CYP39A1: variants seen among roughly 807,000 people sequenced by gnomAD.
CYP39A1 encodes 24-hydroxycholesterol 7-alpha-hydroxylase.
CYP39A1 carries 49 observed loss-of-function variants against 58.1 expected under a neutral mutation model. That is an observed-to-expected ratio of 0.84 (90% CI 0.67 to 1.07). CYP39A1 has a LOEUF of 1.07. Ranked by LOEUF, CYP39A1 falls within the 50% of genes least tolerant of loss-of-function variation. CYP39A1 has a pLI of 0.00. For synonymous variants in CYP39A1, 209 were observed against 187.6 expected (o/e 1.11, Z -0.93); for missense variants, 531 against 539.4 (o/e 0.98, Z 0.16).
Position 46,639,587 on chromosome 6 carries a change from A to C in CYP39A1, c.395T>G (p.Leu132Arg), listed in dbSNP as rs1439111615. 5.6e-6 allele frequency: 9 copies of C among 1,613,810 alleles called. No homozygotes were observed. The highest frequency in any genetic ancestry group is 6.8e-6 in the Non-Finnish European group (8 of 1,179,858). Residue 132 changes from leucine to arginine, a missense_variant, in exon 3 of 12, where the codon CTC (leucine) becomes CGC (arginine). Transcript: ENST00000275016. ...AGTCAGTTGCCCAGTAAACTGATGG[A>C]GATTGACAGTCCCCATTTTCCCTTT... ...MLKGKMGTVNLHQFTGQLTEE... is the reference protein window; with the variant it reads ...MLKGKMGTVNRHQFTGQLTEE...
Position 46,652,618 on chromosome 6 carries a change from T to C in CYP39A1, c.-36A>G, listed in dbSNP as rs775703456. On this transcript the variant is annotated 5_prime_UTR_variant, in exon 1 of 12. Transcript: ENST00000275016. ...AGCACCTTCCAGAAGCAGAAAAGTG[T>C]GAAACAGTCCTGCCGTCCCTTGCTT... 5.2e-6 allele frequency: 8 copies of C among 1,546,106 alleles called. No individual in the cohort carries two copies. The highest frequency in any genetic ancestry group is 1.4e-5 in the African/African-American group (1 of 72,376).
rs1773123388 is a variant in CYP39A1 at position 46,595,967 on chromosome 6, A to T, written c.1065+20T>A. 6.2e-7 allele frequency: 1 copy of T among 1,602,992 alleles called. No individual in the cohort carries two copies. Among genetic ancestry groups the T allele is most frequent in the African/African-American group, 1.3e-5 (1 of 74,242 alleles). On this transcript the variant is annotated intron_variant, in intron 8 of 11. Coordinates refer to ENST00000275016, the MANE Select transcript of CYP39A1 (RefSeq NM_016593.5). ...TTTTTTGTAGAAGGTTGATTCATTT[A>T]AAACCAAACCAAAGCTTACCAAAAT...
intron 8 of CYP39A1, among the ~76,000 whole-genome samples, chr6:46,593,597 C>A (rs1160184581): frequency 6.6e-6 from 1 of 152,066 alleles, no homozygotes; most frequent in Non-Finnish European, 1.5e-5. Flanking sequence ...CCTTTGGAAG[C>A]AAAAGTTTCA....
chr6:46,613,937 A>G (rs1390563107), intron 7 of CYP39A1, among the ~76,000 whole-genome samples: 1 of 119,286 alleles, frequency 8.4e-6, no homozygotes, highest in Admixed American at 8.2e-5. Flanking sequence ...AACACAAAGA[A>G]GCAAAAAAAA....
intron 10 of CYP39A1, among the ~76,000 whole-genome samples, chr6:46,557,348 A>C (rs1770712665): frequency 6.6e-6 from 1 of 151,770 alleles, no homozygotes; most frequent in South Asian, 2.1e-4. Context: ...AAATATAAAG[A>C]AAATCATGCC....
At chr6:46,647,287 TCATC>T in intron 1 of CYP39A1, among the ~76,000 whole-genome samples, 1 of 152,290 alleles carries the variant, frequency 6.6e-6, no homozygotes, top group East Asian at 1.9e-4. Flanking sequence ...AAAATATGTA[TCATC>T]CAAACACTAA....
chr6:46,559,002 A>T (rs1462273753), intron 10 of CYP39A1, among the ~76,000 whole-genome samples: 2 of 152,118 alleles, frequency 1.3e-5, no homozygotes, highest in African/African-American at 2.4e-5. Context: ...CTCAAAAAAA[A>T]AAAAAAAAAA....
intron 10 of CYP39A1, among the ~76,000 whole-genome samples, chr6:46,565,996 A>G (rs1014854065): frequency 3.9e-5 from 6 of 152,200 alleles, no homozygotes; most frequent in Non-Finnish European, 8.8e-5. Context: ...CACATCTGAC[A>G]GCAAACTCAC....
rs941672756 is a variant in CYP39A1, at chr6:46,558,491, A to C, written c.1251-4637T>G. ...AACATCAAGGGGGAAGTTCACCCCC[A>C]TGATTCAATCACCTCCTACCAGGCC... On this transcript the variant is annotated intron_variant, in intron 10 of 11. Transcript: ENST00000275016. Among the ~76,000 whole-genome samples the C allele has an allele frequency of 5.9e-5, 9 of 152,120 alleles. 1 individual carries two copies. Among genetic ancestry groups the C allele is most frequent in the Admixed American group, 5.9e-4 (9 of 15,274 alleles).
chr6:46,642,040 T>C, intron 2 of CYP39A1, 123 bp downstream of exon 2: 2 of 1,099,232 alleles, frequency 1.8e-6, no homozygotes, highest in East Asian at 4.9e-5. Context: ...TACCCATACC[T>C]CAAGAATAAA....
intron 8 of CYP39A1, among the ~76,000 whole-genome samples, 163 bp downstream of exon 8, chr6:46,595,824 G>A (rs1773111007): frequency 6.6e-6 from 1 of 151,938 alleles, no homozygotes; most frequent in Admixed American, 6.6e-5. Flanking sequence ...ATTCCATAAT[G>A]TATACATATT....
At chr6:46,580,500 C>T (rs1772071346) in intron 10 of CYP39A1, among the ~76,000 whole-genome samples, 1 of 152,158 alleles carries the variant, frequency 6.6e-6, no homozygotes, top group Non-Finnish European at 1.5e-5. Context: ...CAAAAATAGA[C>T]AGGTGGGACC....
Position 46,637,829 on chromosome 6 carries a change from C to G in CYP39A1, c.638G>C (p.Arg213Thr), listed in dbSNP as rs964967671. ...YGSQLPECLL[R>T]NWSKSKKWFL... ...ATTAATTATAGGAAACAACTGTTACCTTAGAAGACACTCTGGCAACTGGGA... is the reference window on the plus strand; with the variant it reads ...ATTAATTATAGGAAACAACTGTTACGTTAGAAGACACTCTGGCAACTGGGA... The change falls in exon 4 of 12, where the codon AGA becomes ACA. Residue 213 changes from arginine to threonine, a missense_variant and splice_region_variant. Arg to Thr is a moderately conservative substitution (Grantham distance 71). Transcript: ENST00000275016. 6.2e-7 allele frequency: 1 copy of G among 1,611,714 alleles called. No individual in the cohort carries two copies. Among genetic ancestry groups the G allele is most frequent in the East Asian group, 2.2e-5 (1 of 44,790 alleles).
intron 10 of CYP39A1, chr6:46,583,312 G>A: frequency 2.0e-6 from 2 of 985,370 alleles, no homozygotes; most frequent in Non-Finnish European, 2.4e-6. Context: ...GCATCCTCTT[G>A]CAGGAATTAG....
At chr6:46,630,422 A>C (rs984242776) in intron 6 of CYP39A1, among the ~76,000 whole-genome samples, 2 of 152,134 alleles carry the variant, frequency 1.3e-5, no homozygotes, top group Non-Finnish European at 2.9e-5. Context: ...GTTCACATAC[A>C]TTATCCCTTT....
chr6:46,575,242 C>T (rs921787795), intron 10 of CYP39A1, among the ~76,000 whole-genome samples: 1 of 152,178 alleles, frequency 6.6e-6, no homozygotes, highest in Non-Finnish European at 1.5e-5. Flanking sequence ...GAGGGTTTGA[C>T]ATGGGAATGT....
chr6:46,551,146 T>A (rs1770374033), intron 11 of CYP39A1, among the ~76,000 whole-genome samples: 1 of 151,988 alleles, frequency 6.6e-6, no homozygotes, highest in Non-Finnish European at 1.5e-5. Context: ...TGGATCCAAT[T>A]TAGAATCAGT....
intron 4 of CYP39A1, among the ~76,000 whole-genome samples, chr6:46,637,151 A>T (rs1776039306): frequency 1.3e-5 from 2 of 152,138 alleles, no homozygotes; most frequent in Non-Finnish European, 2.9e-5. Context: ...CCTCACCAGA[A>T]CATGACCATG....
chr6:46,580,760 AC>A lies in CYP39A1; in HGVS notation c.1250+6316del, dbSNP rs1772090113. On this transcript the variant is annotated intron_variant, in intron 10 of 11. Coordinates refer to ENST00000275016, the MANE Select transcript of CYP39A1 (RefSeq NM_016593.5). The stretch of plus-strand genomic sequence containing the variant: ...AGTATATAAAAAACTGTTCAACATT[AC>A]CAATCGTTAGAGAAATGCAAATGAA... Among the ~76,000 whole-genome samples the A allele has an allele frequency of 3.3e-5, 5 of 152,362 alleles. No homozygotes were observed. In the East Asian group the frequency reaches 9.6e-4, roughly 29 times the overall value.
Sources: gnomAD v4.1 joint callset for allele counts (sites outside exome capture counted in the v4.1 genomes callset) on GRCh38, gnomAD v4.1.1 for gene constraint, MANE v1.5 for transcripts, NCBI Gene and HGNC (gene_info 2026-07-23, HGNC 2026-07-21) for gene names.